Variants in DIAPH2 observed in about 807,000 individuals in gnomAD.
The protein encoded by DIAPH2 is protein diaphanous homolog 2.
In DIAPH2, 35 loss-of-function variants were observed where a neutral mutation model predicts 92.7. The observed-to-expected ratio is 0.38, with a 90% confidence interval of 0.29 to 0.50. The LOEUF is 0.50. DIAPH2 is among the 20% of genes least tolerant of loss of function. The pLI is 0.94. For synonymous variants in DIAPH2, 301 were observed against 280.4 expected (o/e 1.07, Z -0.73); for missense variants, 701 against 819.5 (o/e 0.86, Z 1.77).
At chrX:96,964,413 T>C (rs141866406) in intron 16 of DIAPH2, among the ~76,000 whole-genome samples, 3,582 of 111,356 alleles carry the variant, frequency 0.032, 162 homozygotes, top group African/African-American at 0.11. Context: ...TACGGTGTAA[T>C]GGTAGTTATA....
At chrX:97,068,485 A>G (rs1170731255) in intron 17 of DIAPH2, among the ~76,000 whole-genome samples, 3 of 110,488 alleles carry the variant, frequency 2.7e-5, no homozygotes, top group East Asian at 2.8e-4. Context: ...CTTTTTTTCC[A>G]TCAGGTTCAT....
At chrX:96,804,712 T>G (rs2064610447) in intron 4 of DIAPH2, among the ~76,000 whole-genome samples, 1 of 111,659 alleles carries the variant, frequency 9.0e-6, no homozygotes, top group Non-Finnish European at 1.9e-5. Flanking sequence ...TGATAATAGT[T>G]CAGTTCTTTT....
At chrX:96,972,478 T>A (rs2065933742) in intron 17 of DIAPH2, among the ~76,000 whole-genome samples, 1 of 111,652 alleles carries the variant, frequency 9.0e-6, no homozygotes, top group Admixed American at 9.6e-5. Context: ...GATGTCTTGT[T>A]TCATTTAGGT....
chrX:97,220,446 G>T (rs1410588365), intron 22 of DIAPH2, among the ~76,000 whole-genome samples: 2 of 110,831 alleles, frequency 1.8e-5, no homozygotes, highest in Non-Finnish European at 3.8e-5. Context: ...AGAGCAAAGA[G>T]AGCAACAATT....
intron 5 of DIAPH2, among the ~76,000 whole-genome samples, chrX:96,900,734 T>C (rs2147770122): frequency 8.9e-6 from 1 of 112,429 alleles, no homozygotes; most frequent in Non-Finnish European, 1.9e-5. Flanking sequence ...TTTTTAATTC[T>C]GTTTATGTGA....
chrX:97,415,880 A>G (rs2069940636), intron 25 of DIAPH2, among the ~76,000 whole-genome samples: 1 of 111,666 alleles, frequency 9.0e-6, no homozygotes, highest in South Asian at 3.8e-4. Flanking sequence ...GAGGATGTGA[A>G]TTAAGACATC....
intron 22 of DIAPH2, among the ~76,000 whole-genome samples, chrX:97,185,331 A>ATATATATATGTATATATATATGTG (rs2067575068): frequency 2.2e-5 from 1 of 44,802 alleles, no homozygotes; most frequent in Non-Finnish European, 3.5e-5. Context: ...ATATGTGTAT[A>ATATATATATGTATATATATATGTG]TATATATATG....
chrX:96,691,642 T>C (rs1438446277), intron 1 of DIAPH2, among the ~76,000 whole-genome samples: 1 of 112,273 alleles, frequency 8.9e-6, no homozygotes, highest in African/African-American at 3.2e-5. Context: ...TGAAAGAATG[T>C]AGAAAACAAA....
intron 4 of DIAPH2, among the ~76,000 whole-genome samples, chrX:96,829,943 A>T (rs1226463030): frequency 9.1e-6 from 1 of 109,671 alleles, no homozygotes; most frequent in East Asian, 2.8e-4. Flanking sequence ...ATCTGGAAGT[A>T]AACATCTGGG....
rs1246275037 is a variant in DIAPH2, at chrX:96,986,490, T to G, written c.2050+21283T>G. ...GACTTTAGGACCAACCAACTTTCCA[T>G]GTAGGAAGTAACAGAGTTACCAGGA... is the stretch of plus-strand genomic sequence containing the variant. On this transcript the variant is annotated intron_variant, in intron 17 of 26. Transcript: ENST00000324765. Among the ~76,000 whole-genome samples the G allele has an allele frequency of 2.7e-5, 3 of 111,701 alleles. No homozygotes were observed. In the East Asian group the frequency reaches 8.4e-4, roughly 31 times the overall value.
chrX:97,165,854 G>A (rs915447536), intron 22 of DIAPH2, among the ~76,000 whole-genome samples: 1 of 110,674 alleles, frequency 9.0e-6, no homozygotes, highest in African/African-American at 3.3e-5. Context: ...AAGGTATTCT[G>A]CATAGTTAAA....
chrX:97,384,963 G>A (rs1339084384), intron 25 of DIAPH2, among the ~76,000 whole-genome samples: 6 of 110,802 alleles, frequency 5.4e-5, no homozygotes, highest in East Asian at 2.8e-4. Context: ...TGGTTTGGTT[G>A]GTTTACTTTC....
At chrX:97,471,541 A>C (rs1281776161) in intron 26 of DIAPH2, among the ~76,000 whole-genome samples, 3 of 108,974 alleles carry the variant, frequency 2.8e-5, no homozygotes, top group African/African-American at 1.0e-4. Flanking sequence ...AAATACAAAA[A>C]ATCAGCCGGG....
At chrX:97,389,000 C>T (rs767824928) in intron 25 of DIAPH2, among the ~76,000 whole-genome samples, 1 of 111,386 alleles carries the variant, frequency 9.0e-6, no homozygotes, top group East Asian at 2.8e-4. Flanking sequence ...TTCTGGAAAA[C>T]TTCACGATAC....
chrX:97,546,140 C>T (rs2071179808), intron 26 of DIAPH2, among the ~76,000 whole-genome samples: 2 of 110,943 alleles, frequency 1.8e-5, no homozygotes, highest in African/African-American at 6.6e-5. Flanking sequence ...TCGTGTTTTT[C>T]TAAAAGCAAG....
At chrX:97,343,706 A>G (rs978839919) in intron 23 of DIAPH2, among the ~76,000 whole-genome samples, 71 of 109,309 alleles carry the variant, frequency 6.5e-4, no homozygotes, top group African/African-American at 2.0e-3. Flanking sequence ...CAAAAAAAAA[A>G]AAGAAAGAAA....
intron 22 of DIAPH2, among the ~76,000 whole-genome samples, chrX:97,247,142 G>A (rs1284442020): frequency 1.8e-5 from 2 of 111,386 alleles, no homozygotes; most frequent in African/African-American, 6.5e-5. Context: ...GAATCTTTGT[G>A]GGTATGTACG....
At position 97,601,376 on chromosome X, in the gene DIAPH2, G is replaced by A. The variant is rs1366130513; in HGVS notation, c.*2059G>A. 9.1e-6 allele frequency: 1 copy of A among 109,436 alleles called. No individual in the cohort carries two copies. The highest frequency in any genetic ancestry group is 3.3e-5 in the African/African-American group (1 of 30,301). 9.0% of individuals were successfully genotyped at this position (109,436 alleles called of 1,213,427 possible). ...TATTTTCTAGTTTGTGAACAAGAAC[G>A]AATGAAGTACTATTATTGATAACTT... On this transcript the variant is annotated 3_prime_UTR_variant, in exon 27 of 27. Transcript: ENST00000324765.
rs755741978 is a variant in DIAPH2, at chrX:96,899,336, A to G, written c.588-12992A>G. ...CTTGGGCAGTATGGCCATTTTCACG[A>G]TACTGATTCTTCCTACCCATGAGCA... On this transcript the variant is annotated intron_variant, in intron 5 of 26. Transcript: ENST00000324765. 5.5e-3 allele frequency among the ~76,000 whole-genome samples: 606 copies of G among 110,182 alleles called. 4 individuals carry two copies. The highest frequency in any genetic ancestry group is 0.019 in the African/African-American group (579 of 30,241).
Sources: allele counts gnomAD v4.1 joint callset (sites outside exome capture counted in the v4.1 genomes callset), GRCh38; gene constraint gnomAD v4.1.1; transcripts MANE v1.5; gene names NCBI Gene and HGNC (gene_info 2026-07-23, HGNC 2026-07-21).